DLG1: variants seen among roughly 807,000 people sequenced by gnomAD.
The protein encoded by DLG1 is disks large homolog 1.
A neutral mutation model predicts 123.4 loss-of-function variants in DLG1; 42 were observed. That is an observed-to-expected ratio of 0.34 (90% confidence interval 0.27 to 0.44). DLG1 has a LOEUF of 0.44. Among genes scored for constraint, DLG1 ranks in the 20% least tolerant of loss-of-function variants. The pLI is 1.00. For missense variants in DLG1, 942 were observed against 1,082.6 expected (o/e 0.87, Z 1.82); for synonymous variants, 317 against 356.2 (o/e 0.89, Z 1.24).
intron 5 of DLG1, among the ~76,000 whole-genome samples, chr3:197,181,966 T>G (rs1403848744): frequency 1.3e-5 from 2 of 152,204 alleles, no homozygotes; most frequent in Non-Finnish European, 2.9e-5. Context: ...GTTCTGCTCC[T>G]ACTCCCAAGC....
rs551336325 is a variant in DLG1, at chr3:197,111,068, A to C, written c.1443+4859T>G. 2.6e-5 allele frequency among the ~76,000 whole-genome samples: 4 copies of C among 152,296 alleles called. No individual in the cohort carries two copies. In the East Asian group the frequency reaches 7.7e-4, roughly 29 times the overall value. ...TCCTTTTAAGTTTATTGATCGGTCT[A>C]CTATTTCCTAGTGCTTTTAGGGCAT... On this transcript the variant is annotated intron_variant, in intron 13 of 24. Coordinates refer to ENST00000667157, the MANE Select transcript of DLG1 (RefSeq NM_001366207.1).
At chr3:197,090,867 C>T (rs750303740) in intron 15 of DLG1, 45 bp downstream of exon 15, 11 of 1,123,796 alleles carry the variant, frequency 9.8e-6, no homozygotes, top group South Asian at 3.0e-5. Context: ...AATTTACATG[C>T]ATAACTAATT....
At chr3:197,233,168 AAAT>A (rs767777414) in intron 4 of DLG1, among the ~76,000 whole-genome samples, 8 of 152,184 alleles carry the variant, frequency 5.3e-5, no homozygotes, top group South Asian at 2.1e-4. Context: ...AAAATTAAGA[AAAT>A]AATTCCATGC....
chr3:197,096,745 CTA>C (rs746638238), intron 14 of DLG1, among the ~76,000 whole-genome samples: 2 of 152,102 alleles, frequency 1.3e-5, no homozygotes, highest in African/African-American at 4.8e-5. Context: ...TCGACATACT[CTA>C]TCATTTTTCT....
At chr3:197,212,369 A>G (rs1731701247) in intron 4 of DLG1, among the ~76,000 whole-genome samples, 1 of 152,136 alleles carries the variant, frequency 6.6e-6, no homozygotes, top group Non-Finnish European at 1.5e-5. Flanking sequence ...AAAGAAAGTA[A>G]AAGTGTAACA....
In DLG1 at chr3:197,090,949, A is replaced by C. The variant is rs1226816219; in HGVS notation, c.1624T>G (p.Ser542Ala). ...GATCGCTTCTGGCTAGTTCGAAGAG[A>C]ACCTGACCCTGAACTAATACTACTA... is the stretch of plus-strand genomic sequence containing the variant. ...MNSSISSGSG[S>A]LRTSQKRSLY... The change falls in exon 15 of 25, where the codon TCT (serine) becomes GCT (alanine). Residue 542 changes from serine (S) to alanine (A), a missense_variant. Ser to Ala is a moderately conservative substitution (Grantham distance 99, BLOSUM62 1). Transcript: ENST00000667157. 1 of 1,611,764 alleles carries C rather than the reference A, an allele frequency of 6.2e-7. No homozygotes were observed. Among genetic ancestry groups the C allele is most frequent in the South Asian group, 1.1e-5 (1 of 90,818 alleles).
chr3:197,105,975 T>C (rs1766112846), intron 13 of DLG1, among the ~76,000 whole-genome samples: 3 of 152,238 alleles, frequency 2.0e-5, no homozygotes, highest in African/African-American at 4.8e-5. Context: ...AAAGATCACA[T>C]ATCACTTTTA....
At chr3:197,075,317 C>CAAAAAAAAAAAAAAAAAAAAAA (rs58384491) in intron 18 of DLG1, among the ~76,000 whole-genome samples, 1 of 90,296 alleles carries the variant, frequency 1.1e-5, no homozygotes, top group Non-Finnish European at 2.2e-5. Context: ...ATAACTTTCT[C>CAAAAAAAAAAAAAAAAAAAAAA]AAAAAAAAAA....
Position 197,212,243 on chromosome 3 carries a change from C to G in DLG1, c.319-17654G>C, listed in dbSNP as rs144817818. Among the ~76,000 whole-genome samples, 66 of 146,344 alleles carry G rather than the reference C, an allele frequency of 4.5e-4. 5 individuals carry two copies. The East Asian group carries it at 9.7e-3, about 21-fold the overall frequency. ...TTAAAAAACAAACAAAAAACCCTACCGCTAATGCACACAATGGTGATATGT... is the reference window on the plus strand; with the variant it reads ...TTAAAAAACAAACAAAAAACCCTACGGCTAATGCACACAATGGTGATATGT... On this transcript the variant is annotated intron_variant, in intron 4 of 24. Coordinates refer to ENST00000667157, the MANE Select transcript of DLG1 (RefSeq NM_001366207.1).
intron 18 of DLG1, among the ~76,000 whole-genome samples, chr3:197,075,317 CAAA>C (rs58384491): frequency 0.28 from 25,691 of 90,422 alleles, 2,578 homozygotes; most frequent in Middle Eastern, 0.37. Flanking sequence ...ATAACTTTCT[CAAA>C]AAAAAAAAAA....
chr3:197,268,592 T>A (rs1762659487), intron 4 of DLG1, among the ~76,000 whole-genome samples: 1 of 152,070 alleles, frequency 6.6e-6, no homozygotes, highest in South Asian at 2.1e-4. Context: ...GCCTAATTTT[T>A]TTTTTTTGTA....
chr3:197,236,080 A>G (rs338187), intron 4 of DLG1, among the ~76,000 whole-genome samples: 115,135 of 152,066 alleles, frequency 0.76, 43,701 homozygotes, highest in East Asian at 0.81. Context: ...CTGGGAGCCC[A>G]AGGTAGGCAG....
chr3:197,144,842 G>A (rs1789896514), intron 6 of DLG1, among the ~76,000 whole-genome samples: 1 of 152,128 alleles, frequency 6.6e-6, no homozygotes, highest in Non-Finnish European at 1.5e-5. Context: ...AGAGAGTTGG[G>A]ATTTCACTCT....
intron 4 of DLG1, among the ~76,000 whole-genome samples, chr3:197,203,233 C>T (rs1485543717): frequency 2.6e-5 from 4 of 152,080 alleles, no homozygotes; most frequent in Admixed American, 1.3e-4. Context: ...CACTGCCCTC[C>T]AGCCTAGGCA....
intron 10 of DLG1, among the ~76,000 whole-genome samples, chr3:197,133,213 T>C (rs959357928): frequency 2.6e-5 from 4 of 152,212 alleles, no homozygotes; most frequent in African/African-American, 9.6e-5. Flanking sequence ...AAAAACAATG[T>C]ACCAGTGCTT....
chr3:197,051,512 G>T, intron 24 of DLG1, 65 bp downstream of exon 24: 1 of 1,253,090 alleles, frequency 8.0e-7, no homozygotes, highest in Non-Finnish European at 1.2e-6. Context: ...ACCTGAACGG[G>T]TCGGTTCACA....
chr3:197,251,296 T>C (rs1206816801), intron 4 of DLG1, among the ~76,000 whole-genome samples: 3 of 151,508 alleles, frequency 2.0e-5, no homozygotes, highest in Admixed American at 6.6e-5. Context: ...GAAAAAGAAA[T>C]AGAAAAAAAA....
chr3:197,245,674 T>C (rs1751274705), intron 4 of DLG1, among the ~76,000 whole-genome samples: 1 of 152,172 alleles, frequency 6.6e-6, no homozygotes, highest in Non-Finnish European at 1.5e-5. Flanking sequence ...TAACACCCAT[T>C]TACCTTCTGA....
At chr3:197,216,869 C>G (rs1179190958) in intron 4 of DLG1, among the ~76,000 whole-genome samples, 2 of 152,088 alleles carry the variant, frequency 1.3e-5, no homozygotes, top group Non-Finnish European at 2.9e-5. Flanking sequence ...GAGAAGAAAA[C>G]TGACAGAGAG....
Sources: allele counts gnomAD v4.1 joint callset (sites outside exome capture counted in the v4.1 genomes callset), GRCh38; gene constraint gnomAD v4.1.1; transcripts MANE v1.5; gene names NCBI Gene and HGNC (gene_info 2026-07-23, HGNC 2026-07-21).